Variants in LMO7 observed in about 807,000 individuals in gnomAD.
LMO7 encodes LIM domain only protein 7.
A neutral mutation model predicts 206.5 loss-of-function variants in LMO7; 120 were observed. The observed-to-expected ratio is 0.58, with a 90% CI of 0.50 to 0.68. LMO7 has a LOEUF of 0.68. Ranked by LOEUF, LMO7 falls within the 30% of genes least tolerant of loss-of-function variation. The probability of loss-of-function intolerance (pLI) is 0.00; values close to 1 mark genes in which losing one functional copy is unlikely to be tolerated. For synonymous variants in LMO7, 706 were observed against 681.5 expected, an observed-to-expected ratio of 1.04 and a Z score of -0.56; for missense variants, 1,959 against 1,957.9, an observed-to-expected ratio of 1.00 and a Z score of -0.01.
intron 1 of LMO7, among the ~76,000 whole-genome samples, chr13:75,654,572 G>C (rs1004660699): frequency 3.3e-5 from 5 of 152,182 alleles, no homozygotes; most frequent in South Asian, 4.2e-4. Flanking sequence ...GCGTGTGGGG[G>C]GTTAGAGATG....
At chr13:75,776,112 T>C (rs184363438) in intron 4 of LMO7, among the ~76,000 whole-genome samples, 2,904 of 77,174 alleles carry the variant, frequency 0.038, 81 homozygotes, top group Non-Finnish European at 0.067. Context: ...TATATATATA[T>C]ACATACATAC....
At chr13:75,786,639 C>G (rs1216579438) in intron 4 of LMO7, among the ~76,000 whole-genome samples, 1 of 152,088 alleles carries the variant, frequency 6.6e-6, no homozygotes, top group Non-Finnish European at 1.5e-5. Context: ...CCCGCCTCGG[C>G]CTCCCAAAGT....
At chr13:75,753,111 T>A (rs1470297015) in intron 3 of LMO7, among the ~76,000 whole-genome samples, 1 of 152,256 alleles carries the variant, frequency 6.6e-6, no homozygotes, top group Admixed American at 6.5e-5. Flanking sequence ...TTCTGTCTTT[T>A]TAATAATAGT....
intron 4 of LMO7, among the ~76,000 whole-genome samples, chr13:75,767,943 T>C (rs555290535): frequency 4.5e-4 from 69 of 152,218 alleles, no homozygotes; most frequent in African/African-American, 1.6e-3. Context: ...TGTCAAACTG[T>C]GTGCTAAACC....
At chr13:75,669,216 T>G (rs2039330528) in intron 1 of LMO7, among the ~76,000 whole-genome samples, 1 of 152,192 alleles carries the variant, frequency 6.6e-6, no homozygotes, top group Non-Finnish European at 1.5e-5. Context: ...GGATTATGTT[T>G]CAGAGAGTTT....
At chr13:75,632,384 C>T (rs1264351267), upstream of LMO7, among the ~76,000 whole-genome samples, 1 of 152,120 alleles carries the variant, frequency 6.6e-6, no homozygotes, top group Non-Finnish European at 1.5e-5. Flanking sequence ...TGAACAAATA[C>T]ATGAAATCTC....
chr13:75,636,862 C>T, intron 1 of LMO7, 136 bp downstream of exon 1: 1 of 858,316 alleles, frequency 1.2e-6, no homozygotes, highest in Non-Finnish European at 1.9e-6. Context: ...AGCTGGTTTG[C>T]TTGTGCACTT....
intron 2 of LMO7, chr13:75,628,711 T>G (rs1221788943): frequency 6.6e-6 from 1 of 152,208 alleles, no homozygotes; most frequent in Non-Finnish European, 1.5e-5. Flanking sequence ...AGTTCTTTTA[T>G]TAGAAGAACT....
chr13:75,788,309 A>G (rs978200449), intron 4 of LMO7, among the ~76,000 whole-genome samples: 1 of 151,984 alleles, frequency 6.6e-6, no homozygotes, highest in Non-Finnish European at 1.5e-5. Context: ...AATACAAAAA[A>G]TTAGCCGAGC....
intron 1 of LMO7, among the ~76,000 whole-genome samples, chr13:75,683,890 A>T (rs1389291394): frequency 6.6e-6 from 1 of 152,218 alleles, no homozygotes; most frequent in African/African-American, 2.4e-5. Flanking sequence ...GAATGCCTGA[A>T]TGATGATAAG....
At chr13:75,810,523 C>A (rs1305039694) in intron 11 of LMO7, among the ~76,000 whole-genome samples, 1 of 152,170 alleles carries the variant, frequency 6.6e-6, no homozygotes, top group African/African-American at 2.4e-5. Flanking sequence ...CATGCAAAGG[C>A]ACATTATCCG....
intron 11 of LMO7, among the ~76,000 whole-genome samples, chr13:75,814,296 G>C (rs2056760668): frequency 1.3e-5 from 2 of 152,218 alleles, no homozygotes; most frequent in African/African-American, 4.8e-5. Flanking sequence ...CGTAGACATT[G>C]AATGAGTATA....
At chr13:75,817,828 G>C (rs182006441) in intron 12 of LMO7, among the ~76,000 whole-genome samples, 13 of 152,212 alleles carry the variant, frequency 8.5e-5, no homozygotes, top group African/African-American at 3.1e-4. Flanking sequence ...ATATATCCAG[G>C]TGTTTACATA....
intron 3 of LMO7, among the ~76,000 whole-genome samples, chr13:75,760,154 ACTGTAAT>A (rs1290853588): frequency 6.6e-6 from 1 of 151,976 alleles, no homozygotes; most frequent in Non-Finnish European, 1.5e-5. Context: ...AATAGCATAT[ACTGTAAT>A]CTGTGTTTGC....
At chr13:75,797,387 A>C (rs996410928) in intron 6 of LMO7, among the ~76,000 whole-genome samples, 1 of 152,244 alleles carries the variant, frequency 6.6e-6, no homozygotes, top group Non-Finnish European at 1.5e-5. Flanking sequence ...GCCAAGTGCC[A>C]GGACTGACCG....
At chr13:75,740,890 A>G (rs1174416307) in intron 3 of LMO7, among the ~76,000 whole-genome samples, 1 of 152,232 alleles carries the variant, frequency 6.6e-6, no homozygotes. Flanking sequence ...TTTTTGGTAC[A>G]TTAGATAAAT....
chr13:75,762,894 AT>A (rs2048373707), intron 4 of LMO7, among the ~76,000 whole-genome samples: 2 of 152,192 alleles, frequency 1.3e-5, no homozygotes, highest in South Asian at 4.1e-4. Context: ...AGCCTCCCAG[AT>A]GAGACACAGG....
intron 1 of LMO7, among the ~76,000 whole-genome samples, chr13:75,686,526 C>CCT (rs2041011271): frequency 7.4e-6 from 1 of 135,860 alleles, no homozygotes; most frequent in Non-Finnish European, 1.6e-5. Context: ...CCTATCTTAC[C>CCT]TTTTTTTTTT....
intron 29 of LMO7, among the ~76,000 whole-genome samples, chr13:75,855,819 A>G (rs2139756113): frequency 6.6e-6 from 1 of 152,350 alleles, no homozygotes; most frequent in East Asian, 1.9e-4. Context: ...TATACCTGAT[A>G]GGTTTTCACA....
Sources: gnomAD v4.1 joint callset for allele counts (sites outside exome capture counted in the v4.1 genomes callset) on GRCh38, gnomAD v4.1.1 for gene constraint, MANE v1.5 for transcripts, NCBI Gene and HGNC (gene_info 2026-07-23, HGNC 2026-07-21) for gene names.